Variants in NEBL observed in about 807,000 individuals in gnomAD.
The protein encoded by NEBL is nebulette.
A neutral mutation model predicts 140.2 loss-of-function variants in NEBL; 122 were observed. That is an observed-to-expected ratio of 0.87 (90% CI 0.75 to 1.01). NEBL has a LOEUF of 1.01. NEBL is among the 50% of genes least tolerant of loss of function. The probability of loss-of-function intolerance (pLI) is 0.00; values close to 1 mark genes in which losing one functional copy is unlikely to be tolerated. For missense variants in NEBL, 1,365 were observed against 1,231.3 expected (o/e 1.11, Z -1.62); for synonymous variants, 436 against 398.9 (o/e 1.09, Z -1.11).
chr10:20,881,808 C>A (rs780208516), intron 4 of NEBL, among the ~76,000 whole-genome samples: 2 of 151,976 alleles, frequency 1.3e-5, no homozygotes, highest in Non-Finnish European at 2.9e-5. Context: ...AAAACAATAA[C>A]AAATGAAGGA....
intron 9 of NEBL, among the ~76,000 whole-genome samples, chr10:20,854,565 T>TC (rs1410039747): frequency 9.7e-5 from 14 of 145,044 alleles, no homozygotes; most frequent in Admixed American, 9.6e-4. Flanking sequence ...ATAGTACTTT[T>TC]TTTTTTTTTT....
intron 3 of NEBL, among the ~76,000 whole-genome samples, chr10:20,971,900 A>G (rs1836590871): frequency 6.6e-6 from 1 of 152,206 alleles, no homozygotes; most frequent in Non-Finnish European, 1.5e-5. Context: ...GGCGTGAGCC[A>G]CCACGCCCAG....
At chr10:21,047,307 A>G (rs1834562741) in intron 2 of NEBL, among the ~76,000 whole-genome samples, 1 of 152,214 alleles carries the variant, frequency 6.6e-6, no homozygotes, top group Admixed American at 6.5e-5. Context: ...ATGTCTGCCA[A>G]TACTTGAACA....
At position 21,166,651 on chromosome 10, in the gene NEBL, G is replaced by A. The variant is rs182873971; in HGVS notation, c.164+5732C>T. ...TTGTTACTTCTCATACAGCCCTGTGGGTTTAGTATTACTGTGCCCATTTGA... is the reference window on the plus strand; with the variant it reads ...TTGTTACTTCTCATACAGCCCTGTGAGTTTAGTATTACTGTGCCCATTTGA... On this transcript the variant is annotated intron_variant, in intron 2 of 6. Coordinates refer to the NEBL transcript ENST00000417816. 1.3e-3 allele frequency among the ~76,000 whole-genome samples: 191 copies of A among 152,242 alleles called. 1 individual carries two copies. Among genetic ancestry groups the A allele is most frequent in the African/African-American group, 4.4e-3 (181 of 41,548 alleles).
intron 3 of NEBL, among the ~76,000 whole-genome samples, chr10:21,219,113 A>G (rs1425873988): frequency 6.6e-6 from 1 of 152,250 alleles, no homozygotes; most frequent in Non-Finnish European, 1.5e-5. Context: ...CTGCAGGAGC[A>G]TGTGGTCAGG....
Position 21,086,274 on chromosome 10 carries a change from C to T in NEBL, c.165-66073G>A, listed in dbSNP as rs76712171. ...AAATATTAGCTTATCCAAAACTGCA[C>T]GATTTGTGTAAGGAGAAATCAATGA... is the stretch of plus-strand genomic sequence containing the variant. On this transcript the variant is annotated intron_variant, in intron 2 of 6. Transcript: ENST00000417816. 1.6e-3 allele frequency among the ~76,000 whole-genome samples: 244 copies of T among 152,194 alleles called. 8 individuals are homozygous for T. The East Asian group carries it at 0.041, about 26-fold the overall frequency.
intron 3 of NEBL, among the ~76,000 whole-genome samples, chr10:21,217,406 G>C (rs557072912): frequency 6.6e-6 from 1 of 152,282 alleles, no homozygotes; most frequent in East Asian, 1.9e-4. Context: ...GGTTTGTTTC[G>C]GAGTGGGGAG....
At position 21,103,844 on chromosome 10, in the gene NEBL, A is replaced by C. The variant is rs182849330; in HGVS notation, c.164+68539T>G. Among the ~76,000 whole-genome samples, 584 of 152,300 alleles carry C rather than the reference A, an allele frequency of 3.8e-3. 13 individuals carry two copies. Among genetic ancestry groups the C allele is most frequent in the Admixed American group, 0.035 (528 of 15,298 alleles). ...CATTTATAGTTATACTTTTTGAGACATATTCTTAAAATGTTTGCCTAGCCC... is the reference window on the plus strand; with the variant it reads ...CATTTATAGTTATACTTTTTGAGACCTATTCTTAAAATGTTTGCCTAGCCC... On this transcript the variant is annotated intron_variant, in intron 2 of 6. Coordinates refer to the NEBL transcript ENST00000417816.
intron 3 of NEBL, among the ~76,000 whole-genome samples, chr10:21,180,095 C>T (rs1017208218): frequency 1.3e-5 from 2 of 151,918 alleles, no homozygotes; most frequent in Middle Eastern, 6.8e-3. Flanking sequence ...TGAGATTGTG[C>T]CACTGTACTT....
chr10:21,181,386 C>A (rs568962388), intron 3 of NEBL, among the ~76,000 whole-genome samples: 2 of 151,346 alleles, frequency 1.3e-5, no homozygotes, highest in African/African-American at 2.4e-5. Flanking sequence ...GTGAAGGTAG[C>A]GTTTTCTGTA....
intron 7 of NEBL, among the ~76,000 whole-genome samples, chr10:20,862,861 C>T (rs896041804): frequency 4.6e-5 from 7 of 151,726 alleles, no homozygotes; most frequent in African/African-American, 1.7e-4. Flanking sequence ...ATATTTATCA[C>T]CTTTTTTTAT....
intron 3 of NEBL, among the ~76,000 whole-genome samples, chr10:20,986,081 A>G (rs988767156): frequency 5.3e-5 from 8 of 152,260 alleles, no homozygotes; most frequent in Admixed American, 2.6e-4. Flanking sequence ...AAGCAGGTCA[A>G]GTGCTAAATG....
chr10:20,858,388 A>C, intron 8 of NEBL, 44 bp from the exon 9 acceptor site: 1 of 1,443,876 alleles, frequency 6.9e-7, no homozygotes, highest in Non-Finnish European at 9.7e-7. Flanking sequence ...GGAGAAGAAA[A>C]TATTATGCTT....
chr10:21,240,911 C>CACACACAA (rs1374277672), intron 3 of NEBL, among the ~76,000 whole-genome samples: 16 of 139,362 alleles, frequency 1.1e-4, no homozygotes, highest in Admixed American at 8.3e-4. Flanking sequence ...CACACATACA[C>CACACACAA]ACACACACAC....
At chr10:20,897,456 A>G (rs1436460940), upstream of NEBL, 3 of 1,209,714 alleles carry the variant, frequency 2.5e-6, no homozygotes, top group Non-Finnish European at 3.1e-6. Context: ...ATTTGATTTT[A>G]TGAACTTTTA....
chr10:20,971,940 T>C (rs1030422392), intron 3 of NEBL, among the ~76,000 whole-genome samples: 1 of 152,156 alleles, frequency 6.6e-6, no homozygotes, highest in Non-Finnish European at 1.5e-5. Flanking sequence ...TGAAATTACT[T>C]TGAACCAGAA....
At chr10:21,073,408 G>A (rs1397173629) in intron 2 of NEBL, among the ~76,000 whole-genome samples, 3 of 151,484 alleles carry the variant, frequency 2.0e-5, no homozygotes, top group African/African-American at 7.3e-5. Flanking sequence ...CTTGAGGTCA[G>A]GAGTTCAAGA....
At chr10:21,172,187 C>T (rs1459280666) in intron 2 of NEBL, 4 of 612,154 alleles carry the variant, frequency 6.5e-6, no homozygotes, top group African/African-American at 1.8e-5. Context: ...ATAGACGTTA[C>T]CCAACACATT....
At chr10:21,168,556 T>C (rs1382074194) in intron 2 of NEBL, among the ~76,000 whole-genome samples, 1 of 152,158 alleles carries the variant, frequency 6.6e-6, no homozygotes, top group African/African-American at 2.4e-5. Flanking sequence ...GTAAAGAACA[T>C]TCTTAGGACA....
Sources: gnomAD v4.1 joint callset for allele counts (sites outside exome capture counted in the v4.1 genomes callset) on GRCh38, gnomAD v4.1.1 for gene constraint, MANE v1.5 for transcripts, NCBI Gene and HGNC (gene_info 2026-07-23, HGNC 2026-07-21) for gene names.